Variants in TASP1 observed in about 807,000 individuals in gnomAD.
TASP1 encodes the protein threonine aspartase 1.
Under a neutral mutation model 56.6 loss-of-function variants are expected in TASP1, and 16 were observed. That is an observed-to-expected ratio of 0.28 (90% CI 0.19 to 0.43). The LOEUF is 0.43. Ranked by LOEUF, TASP1 falls within the 20% of genes least tolerant of loss-of-function variation. TASP1 has a pLI of 1.00. For synonymous variants in TASP1, 179 were observed against 184.2 expected (o/e 0.97, Z 0.23); for missense variants, 393 against 511.6 (o/e 0.77, Z 2.24).
At chr20:13,261,657 T>C in the TASP1 span, among the ~76,000 whole-genome samples, 1 of 152,188 alleles carries the variant, frequency 6.6e-6, no homozygotes, top group Non-Finnish European at 1.5e-5. Flanking sequence ...TGAACCCTTT[T>C]CAGGATTCCA....
At chr20:13,214,288 A>T in the TASP1 span, among the ~76,000 whole-genome samples, 3 of 151,956 alleles carry the variant, frequency 2.0e-5, no homozygotes, top group African/African-American at 7.3e-5. Flanking sequence ...GCAACCATTT[A>T]TTTTGCCCCT....
the TASP1 span, among the ~76,000 whole-genome samples, chr20:13,209,816 C>T: frequency 1.3e-5 from 2 of 152,128 alleles, no homozygotes; most frequent in Non-Finnish European, 2.9e-5. Context: ...TATAGTCAAA[C>T]CCTATATTCA....
intron 11 of TASP1, among the ~76,000 whole-genome samples, chr20:13,469,333 A>C (rs1382643487): frequency 2.0e-5 from 3 of 152,124 alleles, no homozygotes; most frequent in African/African-American, 7.2e-5. Flanking sequence ...AAATGTATGA[A>C]ACTTCCAGGC....
chr20:13,345,812 G>A, the TASP1 span, among the ~76,000 whole-genome samples: 2 of 151,114 alleles, frequency 1.3e-5, no homozygotes, highest in Non-Finnish European at 3.0e-5. Context: ...GGGGGCAGCT[G>A]AGGATGGTGA....
At chr20:13,419,091 G>A (rs1365285357) in intron 12 of TASP1, among the ~76,000 whole-genome samples, 1 of 152,188 alleles carries the variant, frequency 6.6e-6, no homozygotes, top group Admixed American at 6.5e-5. Context: ...GGGTTAGACA[G>A]TAGTGTTGTA....
intron 12 of TASP1, among the ~76,000 whole-genome samples, chr20:13,417,817 C>T (rs1218191768): frequency 3.3e-5 from 5 of 151,998 alleles, no homozygotes; most frequent in East Asian, 1.9e-4. Context: ...CTCGTACATA[C>T]GGTACACAGT....
chr20:13,369,682 A>G, the TASP1 span, among the ~76,000 whole-genome samples: 1 of 152,216 alleles, frequency 6.6e-6, no homozygotes, highest in Non-Finnish European at 1.5e-5. Context: ...AATAATGGAT[A>G]GGTAGTTTAA....
intron 11 of TASP1, among the ~76,000 whole-genome samples, chr20:13,469,826 T>G (rs1031744630): frequency 9.8e-6 from 1 of 101,684 alleles, no homozygotes; most frequent in Non-Finnish European, 1.9e-5. Flanking sequence ...TTTTTTTTTT[T>G]GAGAGAGTGT....
At chr20:13,333,938 C>G in the TASP1 span, among the ~76,000 whole-genome samples, 1 of 152,124 alleles carries the variant, frequency 6.6e-6, no homozygotes, top group African/African-American at 2.4e-5. Flanking sequence ...AGGCATTATG[C>G]CAAGAGAAAT....
At chr20:13,137,717 T>C in the TASP1 span, among the ~76,000 whole-genome samples, 1 of 152,176 alleles carries the variant, frequency 6.6e-6, no homozygotes, top group African/African-American at 2.4e-5. Flanking sequence ...TGTTGCTGAT[T>C]AAATTGTTCT....
chr20:13,229,269 A>G, the TASP1 span, among the ~76,000 whole-genome samples: 2 of 152,142 alleles, frequency 1.3e-5, no homozygotes, highest in South Asian at 4.1e-4. Context: ...GTTACCACCA[A>G]AATTAGGATA....
At chr20:13,603,270 A>T (rs2048028759) in intron 4 of TASP1, among the ~76,000 whole-genome samples, 1 of 151,808 alleles carries the variant, frequency 6.6e-6, no homozygotes, top group African/African-American at 2.4e-5. Flanking sequence ...AGGCAGGGTG[A>T]CTCACACCTG....
intron 11 of TASP1, among the ~76,000 whole-genome samples, chr20:13,465,306 T>G (rs2044215925): frequency 6.6e-6 from 1 of 151,476 alleles, no homozygotes; most frequent in African/African-American, 2.4e-5. Context: ...TCATTACAGA[T>G]CTATCAGAAT....
chr20:13,318,774 A>G, the TASP1 span, among the ~76,000 whole-genome samples: 3 of 152,358 alleles, frequency 2.0e-5, no homozygotes, highest in South Asian at 4.1e-4. Context: ...AAGCCAATCT[A>G]AAGAGGCTAC....
intron 10 of TASP1, among the ~76,000 whole-genome samples, chr20:13,508,794 C>T (rs937847775): frequency 6.6e-6 from 1 of 152,108 alleles, no homozygotes; most frequent in African/African-American, 2.4e-5. Context: ...GAGGTATTCC[C>T]TCACACCTCT....
the TASP1 span, among the ~76,000 whole-genome samples, chr20:13,261,993 C>T: frequency 1.9e-4 from 29 of 152,288 alleles, no homozygotes; most frequent in African/African-American, 6.7e-4. Flanking sequence ...GTGTCCTGTT[C>T]GACACCCGTT....
At chr20:13,220,339 C>T in the TASP1 span, among the ~76,000 whole-genome samples, 1 of 152,252 alleles carries the variant, frequency 6.6e-6, no homozygotes, top group East Asian at 1.9e-4. Flanking sequence ...ACTCCGCGCC[C>T]TCAGCCGGAT....
At chr20:13,626,889 G>C (rs1310724462) in intron 2 of TASP1, among the ~76,000 whole-genome samples, 1 of 150,664 alleles carries the variant, frequency 6.6e-6, no homozygotes, top group Non-Finnish European at 1.5e-5. Context: ...AATAATAAAA[G>C]TCTCAGCAGA....
intron 10 of TASP1, among the ~76,000 whole-genome samples, chr20:13,511,100 A>T (rs2044309726): frequency 1.3e-5 from 2 of 152,154 alleles, no homozygotes; most frequent in African/African-American, 4.8e-5. Flanking sequence ...AAATAAACAT[A>T]CGACATTAGC....
Sources: gnomAD v4.1 joint callset for allele counts (sites outside exome capture counted in the v4.1 genomes callset) on GRCh38, gnomAD v4.1.1 for gene constraint, MANE v1.5 for transcripts, NCBI Gene and HGNC (gene_info 2026-07-23, HGNC 2026-07-21) for gene names.